Variants in ZNF221 observed in about 807,000 individuals in gnomAD.
ZNF221 encodes zinc finger protein 221.
In ZNF221, 10 loss-of-function variants were observed where a neutral mutation model predicts 12.6. The observed-to-expected ratio is 0.79, with a 90% CI of 0.49 to 1.34. The LOEUF (loss-of-function observed/expected upper bound fraction) is 1.34, where lower values mean the gene tolerates loss of function less well. Ranked by LOEUF, ZNF221 falls within the 40% of genes most tolerant of loss-of-function variation. The pLI is 0.00. For missense variants in ZNF221, 661 were observed against 721.4 expected (o/e 0.92, Z 0.96); for synonymous variants, 232 against 244.0 (o/e 0.95, Z 0.46).
At chr19:43,976,623 G>T in the ZNF221 span, among the ~76,000 whole-genome samples, 343 of 152,254 alleles carry the variant, frequency 2.3e-3, 2 homozygotes, top group African/African-American at 7.4e-3. Context: ...CCTTCTAATT[G>T]CTGTAGTTAT....
rs78057787 is a variant in ZNF221 at position 43,958,991 on chromosome 19, T to G, written c.-2-3734T>G. 0.011 allele frequency among the ~76,000 whole-genome samples: 6 copies of G among 532 alleles called. No individual in the cohort carries two copies. In the Non-Finnish European group the frequency reaches 0.5, roughly 44 times the overall value. The allele number at this position is 532 out of a possible 152,430, so 0.3% of individuals were successfully genotyped here. A position where few individuals can be genotyped will look rare whatever the true frequency, so the allele number is the denominator to read the frequency against. On this transcript the variant is annotated intron_variant, in intron 1 of 4. Coordinates refer to ENST00000587682, the MANE Select transcript of ZNF221 (RefSeq NM_001297588.2). ...ATAAGACTATTGGGTTTTTGGTTGTTTTTTTTTTTTCACATCTCCTGTGTG... is the reference window on the plus strand; with the variant it reads ...ATAAGACTATTGGGTTTTTGGTTGTGTTTTTTTTTTCACATCTCCTGTGTG...
At chr19:43,957,325 C>T (rs1197548406) in intron 1 of ZNF221, among the ~76,000 whole-genome samples, 1 of 152,068 alleles carries the variant, frequency 6.6e-6, no homozygotes, top group Non-Finnish European at 1.5e-5. Context: ...GGATTACAGG[C>T]ACACACCACC....
At chr19:43,973,830 T>A in the ZNF221 span, among the ~76,000 whole-genome samples, 1 of 152,166 alleles carries the variant, frequency 6.6e-6, no homozygotes. Flanking sequence ...CCCAAAGTAA[T>A]TTATAGATTC....
At chr19:43,956,876 C>G (rs544534031) in intron 1 of ZNF221, among the ~76,000 whole-genome samples, 1 of 152,210 alleles carries the variant, frequency 6.6e-6, no homozygotes, top group Admixed American at 6.5e-5. Context: ...GAGCAAAAAA[C>G]AATTTGCAAA....
intron 1 of ZNF221, among the ~76,000 whole-genome samples, chr19:43,956,221 G>A (rs147639784): frequency 2.6e-5 from 4 of 152,084 alleles, no homozygotes; most frequent in Non-Finnish European, 4.4e-5. Flanking sequence ...TACACTGTGC[G>A]GACTCAGGCA....
chr19:43,960,433 G>C (rs1356981142), intron 1 of ZNF221: 1 of 152,208 alleles, frequency 6.6e-6, no homozygotes, highest in Non-Finnish European at 1.5e-5. Context: ...TTTAGGAGAG[G>C]AATACATGTC....
intron 2 of ZNF221, 82 bp downstream of exon 2, chr19:43,962,889 T>C: frequency 1.1e-5 from 15 of 1,336,708 alleles, no homozygotes; most frequent in Non-Finnish European, 1.5e-5. Context: ...TTGGGAAGAC[T>C]CAAGGAGAAC....
intron 1 of ZNF221, among the ~76,000 whole-genome samples, chr19:43,961,658 A>G (rs1974845159): frequency 6.6e-6 from 1 of 152,204 alleles, no homozygotes; most frequent in African/African-American, 2.4e-5. Flanking sequence ...CCCCCAGTCC[A>G]AAGTCCAATT....
intron 3 of ZNF221, 47 bp from the exon 4 acceptor site, chr19:43,965,186 A>G (rs1055143609): frequency 1.3e-6 from 2 of 1,593,422 alleles, no homozygotes; most frequent in Middle Eastern, 1.7e-4. Flanking sequence ...TTCCCTAGAT[A>G]TTACCTACAA....
the ZNF221 span, among the ~76,000 whole-genome samples, chr19:43,980,803 G>T: frequency 6.6e-6 from 1 of 152,202 alleles, no homozygotes; most frequent in Non-Finnish European, 1.5e-5. Context: ...ATTGAGGCGT[G>T]CTACTTTGCC....
At chr19:43,951,686 G>C (rs772320590) in intron 1 of ZNF221, among the ~76,000 whole-genome samples, 2 of 152,038 alleles carry the variant, frequency 1.3e-5, no homozygotes. Flanking sequence ...AATTGAAAGA[G>C]GTAATATAAA....
At chr19:43,968,262 C>T (rs955107697), downstream of ZNF221, among the ~76,000 whole-genome samples, 1 of 152,202 alleles carries the variant, frequency 6.6e-6, no homozygotes, top group East Asian at 1.9e-4. Flanking sequence ...TAATTTGGGG[C>T]TTCATTCAGA....
intron 1 of ZNF221, among the ~76,000 whole-genome samples, 174 bp downstream of exon 1, chr19:43,951,574 TC>T (rs1242629335): frequency 6.6e-6 from 1 of 152,180 alleles, no homozygotes; most frequent in Non-Finnish European, 1.5e-5. Flanking sequence ...CGGGGCCGAT[TC>T]CCCCGGTACA....
In ZNF221 at chr19:43,964,834, C is replaced by T. The variant is rs1974909678; in HGVS notation, c.82-116C>T. On this transcript the variant is annotated intron_variant, in intron 2 of 4. Transcript: ENST00000587682. ...AGTGGGAAATCTGTATGTTGACCTA[C>T]ATCCCTCAAGATCTAGGACAACTTA... 6.0e-6 allele frequency: 8 copies of T among 1,341,084 alleles called. No homozygotes were observed. The Admixed American group carries it at 9.7e-5, about 16-fold the overall frequency. 83.1% of individuals were successfully genotyped at this position (1,341,084 alleles called of 1,614,324 possible).
intron 1 of ZNF221, among the ~76,000 whole-genome samples, chr19:43,957,642 A>T (rs1974778328): frequency 6.6e-6 from 1 of 152,158 alleles, no homozygotes; most frequent in Non-Finnish European, 1.5e-5. Flanking sequence ...CCTTTAAAAA[A>T]TTTCTAGCTT....
At position 43,964,940 on chromosome 19, in the gene ZNF221, G is replaced by T; in HGVS notation, c.82-10G>T. ...CATAAGATTTAGGTTTTGTATGTTG[G>T]ATATTTTAGGAGGCAGTGACATTCA... On this transcript the variant is annotated splice_polypyrimidine_tract_variant and intron_variant, in intron 2 of 4. Transcript: ENST00000587682. 6.2e-7 allele frequency: 1 copy of T among 1,614,060 alleles called. No individual in the cohort carries two copies. The highest frequency in any genetic ancestry group is 2.2e-5 in the East Asian group (1 of 44,876).
chr19:43,960,085 T>C (rs1356044026), intron 1 of ZNF221: 1 of 152,114 alleles, frequency 6.6e-6, no homozygotes, highest in African/African-American at 2.4e-5. Context: ...TCCAGGCTGA[T>C]GAGATCTCAG....
At chr19:43,968,261 G>T (rs1599822261), downstream of ZNF221, among the ~76,000 whole-genome samples, 2 of 152,214 alleles carry the variant, frequency 1.3e-5, no homozygotes, top group African/African-American at 4.8e-5. Flanking sequence ...GTAATTTGGG[G>T]CTTCATTCAG....
At chr19:43,956,807 C>T (rs1017272295) in intron 1 of ZNF221, among the ~76,000 whole-genome samples, 1 of 152,080 alleles carries the variant, frequency 6.6e-6, no homozygotes, top group Non-Finnish European at 1.5e-5. Context: ...TTTATTTTTT[C>T]CATTTCTTAA....
Sources: gnomAD v4.1 joint callset for allele counts (sites outside exome capture counted in the v4.1 genomes callset) on GRCh38, gnomAD v4.1.1 for gene constraint, MANE v1.5 for transcripts, NCBI Gene and HGNC (gene_info 2026-07-23, HGNC 2026-07-21) for gene names.